Variants in ELL observed in about 807,000 individuals in gnomAD.
ELL encodes the protein elongation factor for RNA polymerase II, also known as RNA polymerase II elongation factor ELL.
In ELL, 18 loss-of-function variants were observed where a neutral mutation model predicts 64.0. The observed-to-expected ratio is 0.28, with a 90% CI of 0.19 to 0.42. The LOEUF (loss-of-function observed/expected upper bound fraction) is 0.42. Ranked by LOEUF, ELL falls within the 10% of genes least tolerant of loss-of-function variation. The probability of loss-of-function intolerance (pLI) is 1.00; values close to 1 mark genes in which losing one functional copy is unlikely to be tolerated. For synonymous variants in ELL, 399 were observed against 376.2 expected, an observed-to-expected ratio of 1.06 and a Z score of -0.70; for missense variants, 797 against 870.4, an observed-to-expected ratio of 0.92 and a Z score of 1.06.
chr19:18,467,478 G>A (rs1371979008), intron 2 of ELL, among the ~76,000 whole-genome samples: 2 of 152,020 alleles, frequency 1.3e-5, no homozygotes, highest in African/African-American at 4.8e-5. Context: ...GGCCCACCAT[G>A]CCAGGCCACA....
intron 1 of ELL, among the ~76,000 whole-genome samples, chr19:18,514,513 CAAAAAAA>C (rs557236460): frequency 2.5e-4 from 10 of 39,312 alleles, no homozygotes; most frequent in South Asian, 8.2e-4. Flanking sequence ...GACTCCATCT[CAAAAAAA>C]AAAAAAAAAA....
At chr19:18,470,204 C>G (rs16982429) in intron 2 of ELL, among the ~76,000 whole-genome samples, 1 of 152,242 alleles carries the variant, frequency 6.6e-6, no homozygotes, top group Non-Finnish European at 1.5e-5. Context: ...GACTTGGGCC[C>G]CTGCTACACA....
chr19:18,450,365 G>T, intron 8 of ELL, 112 bp downstream of exon 8: 2 of 1,486,526 alleles, frequency 1.3e-6, no homozygotes, highest in Non-Finnish European at 1.8e-6. Flanking sequence ...GGGCAACAGG[G>T]TCCCCTCCCC....
chr19:18,499,889 C>T (rs548831635), intron 1 of ELL, among the ~76,000 whole-genome samples: 10 of 152,216 alleles, frequency 6.6e-5, no homozygotes, highest in African/African-American at 1.9e-4. Context: ...ACAGAACATG[C>T]TCAGTGACCT....
intron 6 of ELL, among the ~76,000 whole-genome samples, chr19:18,456,755 T>C (rs1377491468): frequency 6.6e-6 from 1 of 151,976 alleles, no homozygotes; most frequent in African/African-American, 2.4e-5. Flanking sequence ...CAAAGCCACA[T>C]GTGGTGCCAG....
intron 1 of ELL, among the ~76,000 whole-genome samples, chr19:18,482,095 G>C (rs1279472952): frequency 6.6e-6 from 1 of 152,074 alleles, no homozygotes; most frequent in African/African-American, 2.4e-5. Context: ...GTTCATGTTT[G>C]GGTTTCCCTG....
Position 18,471,215 on chromosome 19 carries a change from TA to T in ELL, c.183+1619del, listed in dbSNP as rs1224499869. The T allele has an allele frequency of 1.7e-5, 6 of 349,348 alleles. No individual in the cohort carries two copies. The Admixed American group carries it at 2.4e-4, about 14-fold the overall frequency. The allele number at this position is 349,348 out of a possible 1,614,324, so 21.6% of individuals were successfully genotyped here. ...TAATGAGACTCCGTCTTTACAAAAA[TA>T]AAAATAAAATTTGCCTAGCATGGTA... On this transcript the variant is annotated intron_variant, in intron 2 of 11. Transcript: ENST00000262809.
intron 1 of ELL, among the ~76,000 whole-genome samples, chr19:18,480,691 G>A (rs759940403): frequency 5.3e-5 from 8 of 152,180 alleles, no homozygotes; most frequent in Admixed American, 2.6e-4. Context: ...CTGGAGTGCG[G>A]TGGTGTGAAC....
chr19:18,513,273 G>T (rs929481020), intron 1 of ELL, among the ~76,000 whole-genome samples: 1 of 152,194 alleles, frequency 6.6e-6, no homozygotes, highest in Non-Finnish European at 1.5e-5. Flanking sequence ...CTCACTACGG[G>T]ACAGTGGACT....
intron 1 of ELL, among the ~76,000 whole-genome samples, chr19:18,514,708 G>T (rs554217298): frequency 2.0e-5 from 3 of 152,144 alleles, no homozygotes; most frequent in Admixed American, 1.3e-4. Context: ...AGGAGAAAGT[G>T]TAACAACTGA....
chr19:18,488,728 C>T (rs944778114), intron 1 of ELL, among the ~76,000 whole-genome samples: 4 of 152,064 alleles, frequency 2.6e-5, no homozygotes. Flanking sequence ...TCTTGGGGGC[C>T]AACTTTAAGC....
Position 18,446,716 on chromosome 19 carries a change from G to A in ELL, c.1532+32C>T, listed in dbSNP as rs762807875. On this transcript the variant is annotated intron_variant, in intron 9 of 11. Coordinates refer to ENST00000262809, the MANE Select transcript of ELL (RefSeq NM_006532.4). ...GGGGGTCTGAACCCAGAAAAGGGAG[G>A]CCTGGCCTGCAGGGCCCAGACAAAC... 3.7e-6 allele frequency: 6 copies of A among 1,612,730 alleles called. No homozygotes were observed. The East Asian group carries it at 6.7e-5, about 18-fold the overall frequency.
chr19:18,492,877 C>T (rs1975560989), intron 1 of ELL, among the ~76,000 whole-genome samples: 2 of 152,098 alleles, frequency 1.3e-5, no homozygotes, highest in Admixed American at 1.3e-4. Context: ...AAAAATGGGG[C>T]CGTGAAGTCC....
intron 1 of ELL, among the ~76,000 whole-genome samples, chr19:18,478,330 G>A (rs1214908053): frequency 6.6e-6 from 1 of 152,192 alleles, no homozygotes; most frequent in Non-Finnish European, 1.5e-5. Flanking sequence ...TTGGCCTCAG[G>A]CTGCATTAAT....
chr19:18,444,712 T>A lies in ELL; in HGVS notation c.*40A>T. 1 of 1,538,956 alleles carries A rather than the reference T, an allele frequency of 6.5e-7. No homozygotes were observed. Among genetic ancestry groups the A allele is most frequent in the South Asian group, 1.2e-5 (1 of 86,362 alleles). ...TAAATCCTCTCTCACCGCCTTTTGC[T>A]CCCCCGACCCTCCCAGATCCCCGCC... On this transcript the variant is annotated 3_prime_UTR_variant, in exon 12 of 12. Transcript: ENST00000262809.
At chr19:18,466,194 T>G (rs1974932089) in intron 2 of ELL, among the ~76,000 whole-genome samples, 1 of 152,146 alleles carries the variant, frequency 6.6e-6, no homozygotes, top group Non-Finnish European at 1.5e-5. Context: ...CTGAGGACAG[T>G]GCTCAGCACC....
chr19:18,470,332 G>A (rs935056633), intron 2 of ELL, among the ~76,000 whole-genome samples: 1 of 152,254 alleles, frequency 6.6e-6, no homozygotes, highest in Admixed American at 6.5e-5. Context: ...ATGGGGGTTG[G>A]GGATGAGGGG....
rs766299626 is a variant in ELL, at chr19:18,465,922, C to A, written c.184-4G>T. The A allele has an allele frequency of 7.7e-7, 1 of 1,303,886 alleles. No homozygotes were observed. The highest frequency in any genetic ancestry group is 3.4e-5 in the Admixed American group (1 of 29,628). 80.8% of individuals were successfully genotyped at this position (1,303,886 alleles called of 1,614,324 possible). ...CAGGCTGGGGGATGGAGATGTGCTG[C>A]GTGGAGGGGGAGGGGGTGTCACTGG... On this transcript the variant is annotated splice_region_variant and splice_polypyrimidine_tract_variant and intron_variant, in intron 2 of 11. Transcript: ENST00000262809.
intron 1 of ELL, among the ~76,000 whole-genome samples, chr19:18,503,843 C>T (rs1488403201): frequency 6.6e-6 from 1 of 152,174 alleles, no homozygotes; most frequent in Admixed American, 6.5e-5. Context: ...GGGACTGTCA[C>T]TCATCACTCC....
Sources: gnomAD v4.1 joint callset for allele counts (sites outside exome capture counted in the v4.1 genomes callset) on GRCh38, gnomAD v4.1.1 for gene constraint, MANE v1.5 for transcripts, NCBI Gene and HGNC (gene_info 2026-07-23, HGNC 2026-07-21) for gene names.